EIF2S3B: variants seen among roughly 807,000 people sequenced by gnomAD.
EIF2S3B encodes eukaryotic translation initiation factor 2 subunit gamma B.
In EIF2S3B, 16 loss-of-function variants were observed where a neutral mutation model predicts 26.4. That is an observed-to-expected ratio of 0.61 (90% CI 0.41 to 0.92). EIF2S3B has a LOEUF of 0.92. EIF2S3B is among the 40% of genes least tolerant of loss of function. The pLI, the probability that EIF2S3B is intolerant of heterozygous loss-of-function variation, is 0.00. For synonymous variants in EIF2S3B, 183 were observed against 204.4 expected, an observed-to-expected ratio of 0.90 and a Z score of 0.89; for missense variants, 510 against 575.5, an observed-to-expected ratio of 0.89 and a Z score of 1.16.
intron 1 of EIF2S3B, among the ~76,000 whole-genome samples, chr12:10,517,658 G>A (rs1490787292): frequency 6.6e-6 from 1 of 151,858 alleles, no homozygotes; most frequent in African/African-American, 2.4e-5. Context: ...GCTAGCTTTT[G>A]AATGTGTTTG....
chr12:10,510,387 C>T (rs2137945513), downstream of EIF2S3B, among the ~76,000 whole-genome samples: 1 of 152,314 alleles, frequency 6.6e-6, no homozygotes, highest in Admixed American at 6.5e-5. Flanking sequence ...ATAAAATAAA[C>T]ATACCTGCTC....
downstream of EIF2S3B, among the ~76,000 whole-genome samples, chr12:10,511,195 G>T (rs1019579692): frequency 2.7e-5 from 4 of 148,390 alleles, no homozygotes; most frequent in African/African-American, 9.9e-5. Flanking sequence ...TAGAAAGAAG[G>T]TTTTTTTTTT....
At position 10,515,484 on chromosome 12, in the gene EIF2S3B, T is replaced by C. The variant is rs144879104; in HGVS notation, c.1309-7119T>C. 1.2e-4 allele frequency among the ~76,000 whole-genome samples: 19 copies of C among 152,166 alleles called. No homozygotes were observed. The East Asian group carries it at 2.9e-3, about 23-fold the overall frequency. ...AGAATAAAGATATTGAAAGAAAGTGTAGAGGACAGTTTTGTAAAAACTGAT... is the reference window on the plus strand; with the variant it reads ...AGAATAAAGATATTGAAAGAAAGTGCAGAGGACAGTTTTGTAAAAACTGAT... On this transcript the variant is annotated intron_variant, in intron 1 of 1. Coordinates refer to the EIF2S3B transcript ENST00000322446.
rs767848030 is a variant in EIF2S3B, at chr12:10,506,321, T to C, written c.419T>C (p.Ile140Thr). 6.8e-6 allele frequency: 11 copies of C among 1,614,096 alleles called. No individual in the cohort carries two copies. Among genetic ancestry groups the C allele is most frequent in the Non-Finnish European group, 8.5e-6 (10 of 1,179,994 alleles). Reference sequence around the variant, plus strand: ...TTTGTTGACTGTCCTGGCCACGATATTTTGATGGCTACTATGCTGAACGGT... The same window carrying C: ...TTTGTTGACTGTCCTGGCCACGATACTTTGATGGCTACTATGCTGAACGGT... ...VSFVDCPGHD[I>T]LMATMLNGAA... Residue 140 changes from isoleucine to threonine, a missense_variant, in exon 1 of 1, where the codon ATT becomes ACT. Physicochemically the swap from Ile to Thr is moderately conservative, Grantham distance 89 (BLOSUM62 -1). Coordinates refer to ENST00000538173, the MANE Select transcript of EIF2S3B (RefSeq NM_001357734.3).
chr12:10,522,575 C>A, intron 1 of EIF2S3B: 1 of 659,670 alleles, frequency 1.5e-6, no homozygotes, highest in Non-Finnish European at 2.8e-6. Flanking sequence ...TTTACTGATT[C>A]TTCAACATCC....
chr12:10,510,800 A>C (rs1229463718), downstream of EIF2S3B, among the ~76,000 whole-genome samples: 1 of 152,174 alleles, frequency 6.6e-6, no homozygotes, highest in Non-Finnish European at 1.5e-5. Context: ...AAGTATAAAC[A>C]AACTGCACCA....
chr12:10,508,068 A>G lies in EIF2S3B; in HGVS notation c.*747A>G, dbSNP rs1864664336. ...TTAAAGGCACAAATTATCCTTGAAGACCTTCTCCCTTTTCTTTGGCCCCAT... is the reference window on the plus strand; with the variant it reads ...TTAAAGGCACAAATTATCCTTGAAGGCCTTCTCCCTTTTCTTTGGCCCCAT... On this transcript the variant is annotated 3_prime_UTR_variant, in exon 1 of 1. Transcript: ENST00000538173. 1.3e-5 allele frequency among the ~76,000 whole-genome samples: 2 copies of G among 152,158 alleles called. No homozygotes were observed. The highest frequency in any genetic ancestry group is 1.3e-4 in the Admixed American group (2 of 15,278).
rs766578500 is a variant in EIF2S3B at position 10,506,789 on chromosome 12, T to A, written c.887T>A (p.Val296Glu). 4.6e-5 allele frequency: 75 copies of A among 1,613,582 alleles called. No individual in the cohort carries two copies. The highest frequency in any genetic ancestry group is 6.0e-5 in the Non-Finnish European group (71 of 1,179,570). Residue 296 changes from valine to glutamate, a missense_variant, in exon 1 of 1, where the codon GTA (valine) becomes GAA (glutamate). Physicochemically the swap from Val to Glu is moderately radical, Grantham distance 121. Transcript: ENST00000538173. The part of the protein sequence containing the change: ...GVLKVGQETE[V>E]RPGIVSKDSE... ...TTAAAGGTGGGCCAGGAGACAGAAG[T>A]AAGACCTGGTATTGTTTCCAAAGAT...
chr12:10,518,526 C>A (rs1864791912), intron 1 of EIF2S3B, among the ~76,000 whole-genome samples: 2 of 152,086 alleles, frequency 1.3e-5, no homozygotes, highest in African/African-American at 4.8e-5. Context: ...CTGAATACAG[C>A]ACACTGATGG....
chr12:10,522,474 A>G lies in EIF2S3B; in HGVS notation c.1309-129A>G, dbSNP rs1864843034. On this transcript the variant is annotated intron_variant, in intron 1 of 1. Transcript: ENST00000322446. ...AAATCAGGACTTAGAACAAAGCATCATTCAATTAATGGAGCTGGGAGAATT... is the reference window on the plus strand; with the variant it reads ...AAATCAGGACTTAGAACAAAGCATCGTTCAATTAATGGAGCTGGGAGAATT... 5.9e-6 allele frequency: 3 copies of G among 510,724 alleles called. No homozygotes were observed. In the Admixed American group the frequency reaches 9.7e-5, roughly 16 times the overall value. 31.6% of individuals were successfully genotyped at this position (510,724 alleles called of 1,614,324 possible).
At chr12:10,519,116 A>AAAC (rs1864800576) in intron 1 of EIF2S3B, among the ~76,000 whole-genome samples, 1 of 152,014 alleles carries the variant, frequency 6.6e-6, no homozygotes, top group Non-Finnish European at 1.5e-5. Context: ...CTATACTACA[A>AAAC]GGCTACAGTA....
In EIF2S3B at chr12:10,508,447, A is replaced by G. The variant is rs192157624; in HGVS notation, c.*1126A>G. On this transcript the variant is annotated 3_prime_UTR_variant, in exon 1 of 1. Transcript: ENST00000538173. ...CATTTTATGTTTTTTCTTAACTGTT[A>G]TATGATTGTGACACAGATTATAATA... Among the ~76,000 whole-genome samples the G allele has an allele frequency of 6.9e-6, 1 of 144,420 alleles. No homozygotes were observed. The highest frequency in any genetic ancestry group is 2.0e-4 in the East Asian group (1 of 4,884). The allele number at this position is 144,420 out of a possible 152,430, so 94.7% of individuals were successfully genotyped here. A position where few individuals can be genotyped will look rare whatever the true frequency, so the allele number is the denominator to read the frequency against.
At chr12:10,519,089 C>G in intron 1 of EIF2S3B, among the ~76,000 whole-genome samples, 1 of 149,202 alleles carries the variant, frequency 6.7e-6, no homozygotes, top group East Asian at 2.0e-4. Flanking sequence ...GGAGGCATCA[C>G]GCTACCTGAC....
rs979784004 is a variant in EIF2S3B, at chr12:10,519,392, A to G, written c.1309-3211A>G. On this transcript the variant is annotated intron_variant, in intron 1 of 1. Transcript: ENST00000322446. The stretch of plus-strand genomic sequence containing the variant: ...ATTAAAGACTTAAACGTTAGACCTA[A>G]AACCATAAAAACCCTAGAAGAAAAC... Among the ~76,000 whole-genome samples, 49 of 151,948 alleles carry G rather than the reference A, an allele frequency of 3.2e-4. No individual in the cohort carries two copies. The East Asian group carries it at 8.9e-3, about 28-fold the overall frequency.
intron 1 of EIF2S3B, among the ~76,000 whole-genome samples, chr12:10,515,378 G>A (rs2417899): frequency 0.56 from 85,606 of 151,646 alleles, 24,563 homozygotes; most frequent in East Asian, 0.75. Context: ...CTGTATCATC[G>A]GTGCCATATA....
At position 10,507,438 on chromosome 12, in the gene EIF2S3B, TAGTA is replaced by T; in HGVS notation, c.*118_*121del. The T allele has an allele frequency of 8.2e-7, 1 of 1,218,650 alleles. No homozygotes were observed. Among genetic ancestry groups the T allele is most frequent in the African/African-American group, 1.5e-5 (1 of 66,128 alleles). 75.5% of individuals were successfully genotyped at this position (1,218,650 alleles called of 1,614,324 possible). On this transcript the variant is annotated 3_prime_UTR_variant, in exon 1 of 1. Transcript: ENST00000538173. ...GAATTGATTTCACAGTTTGTTACCTTAGTAGGTAACGGTAAGGTTATTCTCTCTT... is the reference window on the plus strand; with the variant it reads ...GAATTGATTTCACAGTTTGTTACCTTGGTAACGGTAAGGTTATTCTCTCTT...
At chr12:10,520,477 T>C (rs934968464) in intron 1 of EIF2S3B, among the ~76,000 whole-genome samples, 68 of 150,912 alleles carry the variant, frequency 4.5e-4, no homozygotes, top group Admixed American at 6.6e-4. Context: ...AACCTGCACA[T>C]TGTGCACATG....
intron 1 of EIF2S3B, among the ~76,000 whole-genome samples, chr12:10,519,019 A>C (rs1403743768): frequency 2.7e-5 from 4 of 150,234 alleles, no homozygotes; most frequent in Non-Finnish European, 4.5e-5. Context: ...TTTAAAGTTC[A>C]TATGGAACCA....
At position 10,506,558 on chromosome 12, in the gene EIF2S3B, C is replaced by G. The variant is rs1864633127; in HGVS notation, c.656C>G (p.Ala219Gly). 1 of 1,591,284 alleles carries G rather than the reference C, an allele frequency of 6.3e-7. No homozygotes were observed. The highest frequency in any genetic ancestry group is 1.1e-5 in the South Asian group (1 of 90,580). The change falls in exon 1 of 1, where the codon GCT becomes GGT. Residue 219 changes from alanine to glycine, a missense_variant. Physicochemically the swap from Ala to Gly is moderately conservative, Grantham distance 60 (BLOSUM62 0). Transcript: ENST00000538173. Reference sequence around the variant, plus strand: ...GTCCAAGGTACAGTAGCAGAGGGAGCTCCCATTATTCCAATTTCGGCTCAG... The same window carrying G: ...GTCCAAGGTACAGTAGCAGAGGGAGGTCCCATTATTCCAATTTCGGCTCAG... Reference protein sequence around the residue: ...AFVQGTVAEGAPIIPISAQLK... With the variant: ...AFVQGTVAEGGPIIPISAQLK...
Sources: gnomAD v4.1 joint callset for allele counts (sites outside exome capture counted in the v4.1 genomes callset) on GRCh38, gnomAD v4.1.1 for gene constraint, MANE v1.5 for transcripts, NCBI Gene and HGNC (gene_info 2026-07-23, HGNC 2026-07-21) for gene names.